The following LAMA5 variants were observed in gnomAD, a reference collection of about 807,000 sequenced individuals.
LAMA5 encodes the protein laminin subunit alpha 5, also known as laminin subunit alpha-5.
Under a neutral mutation model 433.4 loss-of-function variants are expected in LAMA5, and 260 were observed. The observed-to-expected ratio is 0.60, with a 90% CI of 0.54 to 0.66. LAMA5 has a LOEUF of 0.66. Among genes scored for constraint, LAMA5 ranks in the 30% least tolerant of loss-of-function variants. LAMA5 has a pLI of 0.00. For missense variants in LAMA5, 5,378 were observed against 5,258.5 expected (o/e 1.02, Z -0.70); for synonymous variants, 2,620 against 2,226.6 (o/e 1.18, Z -4.97).
Position 62,312,934 on chromosome 20 carries a change from G to A in LAMA5, c.9032C>T (p.Ala3011Val). The A allele has an allele frequency of 1.3e-6, 2 of 1,580,500 alleles. No homozygotes were observed. The highest frequency in any genetic ancestry group is 1.2e-5 in the South Asian group (1 of 85,900). The change falls in exon 66 of 80, where the codon GCC becomes GTC. Residue 3011 changes from alanine to valine, a missense_variant. Ala to Val is a moderately conservative substitution (Grantham distance 64). Transcript: ENST00000252999. Reference sequence around the variant, plus strand: ...GGGCGGTGGGGGCTGCAGTGGGACGGCCTTTTTCAGGCCAGCCCCAAAGTC... The same window carrying A: ...GGGCGGTGGGGGCTGCAGTGGGACGACCTTTTTCAGGCCAGCCCCAAAGTC... ...LYDFGAGLKK[A>V]VPLQPPPPLT... is the part of the protein sequence containing the mutation.
At position 62,327,940 on chromosome 20, in the gene LAMA5, G is replaced by A. The variant is rs766748395; in HGVS notation, c.4723C>T (p.Arg1575Cys). The change falls in exon 36 of 80, where the codon CGC becomes TGC. Residue 1575 changes from arginine (R) to cysteine (C), a missense_variant. By Grantham distance (180) the Arg-to-Cys change is radical. Transcript: ENST00000252999. Reference sequence around the variant, plus strand: ...CCCGCCTCGTGACAGTCACAGGGGCGGCAGCGGGGGTAGCCATGGAAGCCC... The same window carrying A: ...CCCGCCTCGTGACAGTCACAGGGGCAGCAGCGGGGGTAGCCATGGAAGCCC... ...SPGFHGYPRCRPCDCHEAGTA... is the reference protein window; with the variant it reads ...SPGFHGYPRCCPCDCHEAGTA... 35 of 1,612,536 alleles carry A rather than the reference G, an allele frequency of 2.2e-5. No homozygotes were observed. The highest frequency in any genetic ancestry group is 1.2e-4 in the Admixed American group (7 of 59,992).
chr20:62,312,264 G>A lies in LAMA5; in HGVS notation c.9413C>T (p.Ser3138Leu), dbSNP rs367990320. 19 of 1,611,076 alleles carry A rather than the reference G, an allele frequency of 1.2e-5. No homozygotes were observed. The highest frequency in any genetic ancestry group is 1.6e-4 in the Middle Eastern group (1 of 6,076). ...GTTGCCAGTGAGCGGTGCCACGTTCGAGAGCGCCAGGCGAAGGAAGCCGTG... is the reference window on the plus strand; with the variant it reads ...GTTGCCAGTGAGCGGTGCCACGTTCAAGAGCGCCAGGCGAAGGAAGCCGTG... ...HGHGFLRLAL[S>L]NVAPLTGNVY... is the part of the protein sequence containing the mutation. The change falls in exon 69 of 80, where the codon TCG becomes TTG. Residue 3138 changes from serine to leucine, a missense_variant. Physicochemically the swap from Ser to Leu is moderately radical, Grantham distance 145 (BLOSUM62 -2). Coordinates refer to ENST00000252999, the MANE Select transcript of LAMA5 (RefSeq NM_005560.6).
rs1360892050 is a variant in LAMA5 at position 62,334,523 on chromosome 20, C to T, written c.2581G>A (p.Glu861Lys). The change falls in exon 21 of 80, where the codon GAG becomes AAG. Residue 861 changes from glutamate to lysine, a missense_variant and splice_region_variant. Transcript: ENST00000252999. The part of the protein sequence containing the change: ...RPNTQGPTCS[E>K]PARDHYLPDL... ...ACCCAGTGGGGAAGGGGTACCCACT[C>T]GCTGCAGGTGGGGCCCTGGGTGTTG... 50 of 1,547,544 alleles carry T rather than the reference C, an allele frequency of 3.2e-5. No individual in the cohort carries two copies. The highest frequency in any genetic ancestry group is 3.8e-5 in the Non-Finnish European group (44 of 1,146,302).
rs1984448078 is a variant in LAMA5, at chr20:62,352,239, C to T, written c.687+3G>A. ...CGTACCGCCCTGCCCCTCCCCGGCCCACCTCTCCGTTCTCCAGGGGCACGA... is the reference window on the plus strand; with the variant it reads ...CGTACCGCCCTGCCCCTCCCCGGCCTACCTCTCCGTTCTCCAGGGGCACGA... On this transcript the variant is annotated splice_donor_region_variant and intron_variant, in intron 4 of 79. Coordinates refer to ENST00000252999, the MANE Select transcript of LAMA5 (RefSeq NM_005560.6). 6.3e-7 allele frequency: 1 copy of T among 1,598,130 alleles called. No homozygotes were observed. The highest frequency in any genetic ancestry group is 8.5e-7 in the Non-Finnish European group (1 of 1,178,846).
At chr20:62,332,846 C>G in intron 26 of LAMA5, 129 bp from the exon 27 acceptor site, 1 of 1,223,618 alleles carries the variant, frequency 8.2e-7, no homozygotes, top group Non-Finnish European at 1.1e-6. Flanking sequence ...GCCCGGACAT[C>G]TCCAGGCAAG....
Position 62,335,102 on chromosome 20 carries a change from G to A in LAMA5, c.2401C>T (p.Pro801Ser). The change falls in exon 20 of 80, where the codon CCC becomes TCC. Residue 801 changes from proline to serine, a missense_variant. Transcript: ENST00000252999. ...GCGCAGGCCTGGCCGCACACGTGGG[G>A]CTTGCAGAAGCACTGGCCGGTGCCC... Reference protein sequence around the residue: ...QPGTGQCFCKPHVCGQACASC... With the variant: ...QPGTGQCFCKSHVCGQACASC... The A allele has an allele frequency of 6.2e-7, 1 of 1,612,994 alleles. No individual in the cohort carries two copies. The highest frequency in any genetic ancestry group is 8.5e-7 in the Non-Finnish European group (1 of 1,179,694).
chr20:62,361,771 C>T (rs1164803643), intron 2 of LAMA5, among the ~76,000 whole-genome samples: 3 of 152,214 alleles, frequency 2.0e-5, no homozygotes, highest in Non-Finnish European at 2.9e-5. Flanking sequence ...CGGGCCAAGT[C>T]GCCCCCAATC....
chr20:62,312,837 C>G (rs781397447), intron 66 of LAMA5, 51 bp downstream of exon 66: 1 of 1,601,976 alleles, frequency 6.2e-7, no homozygotes, highest in African/African-American at 1.3e-5. Context: ...TGCCCCGCCC[C>G]CATCGTTCCA....
At chr20:62,336,306 AC>A (rs1568948966) in intron 18 of LAMA5, 33 bp downstream of exon 18, 1 of 1,437,444 alleles carries the variant, frequency 7.0e-7, no homozygotes, top group Admixed American at 2.0e-5. Flanking sequence ...TCCCCAAGGA[AC>A]CCCTGTACCC....
In LAMA5 at chr20:62,353,270, T is replaced by TCAGGGGAGC. The variant is rs759567758; in HGVS notation, c.451-28_451-20dup. The TCAGGGGAGC allele has an allele frequency of 1.5e-5, 23 of 1,557,490 alleles. No individual in the cohort carries two copies. Among genetic ancestry groups the TCAGGGGAGC allele is most frequent in the African/African-American group, 9.5e-5 (7 of 73,690 alleles). On this transcript the variant is annotated intron_variant, in intron 2 of 79. Transcript: ENST00000252999. ...GGAAGACCTGTGGGCCGAGAGGGCGTCAGGGGAGCCAGGGGCGCCTGGATT... is the reference window on the plus strand; with the variant it reads ...GGAAGACCTGTGGGCCGAGAGGGCGTCAGGGGAGCCAGGGGAGCCAGGGGCGCCTGGATT...
rs748390900 is a variant in LAMA5 at position 62,335,028 on chromosome 20, G to C, written c.2475C>G (p.Gly825=). ...FFGLDQADYF[G]CRSCRCDIGG... Reference sequence around the variant, plus strand: ...GAGCGAGTGGGCACTCACTGCGGCAGCCAAAATAGTCAGCCTGATCCAGTC... The same window carrying C: ...GAGCGAGTGGGCACTCACTGCGGCACCCAAAATAGTCAGCCTGATCCAGTC... The change falls in exon 20 of 80, where the codon GGC becomes GGG. Residue 825 remains glycine (G), a synonymous_variant. Transcript: ENST00000252999. 2.5e-6 allele frequency: 4 copies of C among 1,612,726 alleles called. No homozygotes were observed.
intron 2 of LAMA5, among the ~76,000 whole-genome samples, chr20:62,354,383 G>A (rs1318453912): frequency 1.8e-5 from 2 of 108,758 alleles, no homozygotes; most frequent in African/African-American, 6.9e-5. Flanking sequence ...CCTGCCCTCA[G>A]GACTCCAGGC....
intron 2 of LAMA5, among the ~76,000 whole-genome samples, chr20:62,362,023 G>A (rs1448959015): frequency 7.9e-5 from 12 of 152,124 alleles, no homozygotes; most frequent in Admixed American, 3.9e-4. Flanking sequence ...AGCCCCTCCC[G>A]CACCTGCCAG....
chr20:62,322,100 C>T lies in LAMA5; in HGVS notation c.6415G>A (p.Gly2139Arg), dbSNP rs746626528. 2.0e-4 allele frequency: 320 copies of T among 1,602,484 alleles called. 1 individual carries two copies. The highest frequency in any genetic ancestry group is 2.5e-4 in the Non-Finnish European group (291 of 1,179,194). Residue 2139 changes from glycine (G) to arginine (R), a missense_variant, in exon 48 of 80, where the codon GGG becomes AGG. Physicochemically the swap from Gly to Arg is moderately radical, Grantham distance 125. Coordinates refer to ENST00000252999, the MANE Select transcript of LAMA5 (RefSeq NM_005560.6). Reference sequence around the variant, plus strand: ...TGGCTGCAGGTGTCGCAGCGCTCCCCGCTGAGCCCCGGGGGGCAGTTGCAG... The same window carrying T: ...TGGCTGCAGGTGTCGCAGCGCTCCCTGCTGAGCCCCGGGGGGCAGTTGCAG... ...GRCNCPPGLS[G>R]ERCDTCSQQH...
rs1445248747 is a variant in LAMA5 at position 62,359,924 on chromosome 20, C to T, written c.450+2476G>A. Among the ~76,000 whole-genome samples the T allele has an allele frequency of 2.0e-5, 3 of 152,012 alleles. No homozygotes were observed. The highest frequency in any genetic ancestry group is 4.4e-5 in the Non-Finnish European group (3 of 67,980). ...CAGGAGCAGGAAGCCTTCCCGATGC[C>T]CAGTGCCAGCCGCCCCCACCCCCGT... On this transcript the variant is annotated intron_variant, in intron 2 of 79. Coordinates refer to ENST00000252999, the MANE Select transcript of LAMA5 (RefSeq NM_005560.6). This position sits in a 1 kb window ranked among gnomAD's most constrained non-coding sequence, Gnocchi z 4.3.
chr20:62,337,907 G>C lies in LAMA5; in HGVS notation c.1923C>G (p.Asp641Glu). 4 of 1,611,762 alleles carry C rather than the reference G, an allele frequency of 2.5e-6. No homozygotes were observed. Among genetic ancestry groups the C allele is most frequent in the East Asian group, 2.2e-5 (1 of 44,818 alleles). ...ACTCDPRGAL[D>E]QLCGAGGLCR... Reference sequence around the variant, plus strand: ...ACAAACCTCCCGCCCCACAGAGCTGGTCCAGGGCTCCCCGAGGGTCGCAGG... The same window carrying C: ...ACAAACCTCCCGCCCCACAGAGCTGCTCCAGGGCTCCCCGAGGGTCGCAGG... Residue 641 changes from aspartate (D) to glutamate (E), a missense_variant, in exon 15 of 80, where the codon GAC (aspartate) becomes GAG (glutamate). Coordinates refer to ENST00000252999, the MANE Select transcript of LAMA5 (RefSeq NM_005560.6).
At position 62,315,921 on chromosome 20, in the gene LAMA5, C is replaced by A. The variant is rs367853296; in HGVS notation, c.7867+27G>T. The stretch of plus-strand genomic sequence containing the variant: ...ACAGAGCCTCATGGTCGGCCGGCTG[C>A]GAGAGCCGGGCCCAGGCTCCGCATA... On this transcript the variant is annotated intron_variant, in intron 58 of 79. Transcript: ENST00000252999. 7 of 1,526,000 alleles carry A rather than the reference C, an allele frequency of 4.6e-6. No individual in the cohort carries two copies. The East Asian group carries it at 1.2e-4, about 26-fold the overall frequency. The allele number at this position is 1,526,000 out of a possible 1,614,324, so 94.5% of individuals were successfully genotyped here.
rs2297591 is a variant in LAMA5 at position 62,311,548 on chromosome 20, G to A, written c.9807-12C>T. ...GTGGGCCCAGGAGCCTGTGCAGGGC[G>A]GGCAGGCGGTCAGCAGCTGCGGAAG... is the stretch of plus-strand genomic sequence containing the variant. On this transcript the variant is annotated splice_polypyrimidine_tract_variant and intron_variant, in intron 71 of 79. Coordinates refer to ENST00000252999, the MANE Select transcript of LAMA5 (RefSeq NM_005560.6). 3.9e-3 allele frequency: 6,327 copies of A among 1,609,506 alleles called. 163 individuals carry two copies. The African/African-American group carries it at 0.063, about 16-fold the overall frequency.
Position 62,338,260 on chromosome 20 carries a change from G to A in LAMA5, c.1728C>T (p.Pro576=), listed in dbSNP as rs370141221. Residue 576 remains proline (P), a synonymous_variant, in exon 13 of 80, where the codon CCC becomes CCT. Transcript: ENST00000252999. ...FEGATCDRCA[P]GYFHFPLCQL... is the part of the protein sequence containing the mutation. The stretch of plus-strand genomic sequence containing the variant: ...GGCAGAGAGGGAAGTGAAAGTAGCC[G>A]GGGGCACAGCGATCACATGTGGCCC... 63 of 1,599,918 alleles carry A rather than the reference G, an allele frequency of 3.9e-5. No individual in the cohort carries two copies. Among genetic ancestry groups the A allele is most frequent in the Admixed American group, 1.0e-4 (6 of 58,758 alleles).
Sources: allele counts gnomAD v4.1 joint callset (sites outside exome capture counted in the v4.1 genomes callset), GRCh38; gene constraint gnomAD v4.1.1; non-coding constraint Gnocchi (gnomAD v3.1); transcripts MANE v1.5; gene names NCBI Gene and HGNC (gene_info 2026-07-23, HGNC 2026-07-21).